The following DENND1A variants were observed in gnomAD, a reference collection of about 807,000 sequenced individuals.
DENND1A encodes the protein DENN domain-containing protein 1A.
DENND1A carries 51 observed loss-of-function variants against 113.7 expected under a neutral mutation model. The ratio of observed to expected loss-of-function variants is 0.45; its 90% confidence interval spans 0.36 to 0.57. The LOEUF is 0.57. DENND1A is among the 20% of genes least tolerant of loss of function. The pLI is 0.00. For missense variants in DENND1A, 1,258 were observed against 1,395.9 expected, an observed-to-expected ratio of 0.90 and a Z score of 1.57; for synonymous variants, 565 against 570.8, an observed-to-expected ratio of 0.99 and a Z score of 0.14.
At chr9:123,475,549 G>T (rs1287061735) in intron 13 of DENND1A, among the ~76,000 whole-genome samples, 1 of 152,210 alleles carries the variant, frequency 6.6e-6, no homozygotes, top group African/African-American at 2.4e-5. Context: ...ACTGAAGCGC[G>T]GGCTGCTCTG....
chr9:123,826,026 C>T (rs1388454592), intron 2 of DENND1A, among the ~76,000 whole-genome samples: 1 of 152,178 alleles, frequency 6.6e-6, no homozygotes, highest in Non-Finnish European at 1.5e-5. Context: ...TCAAAGCTGA[C>T]CCTAGAGCAG....
chr9:123,452,320 C>T lies in DENND1A; in HGVS notation c.1255G>A (p.Val419Ile). The T allele has an allele frequency of 6.2e-7, 1 of 1,614,274 alleles. No individual in the cohort carries two copies. Among genetic ancestry groups the T allele is most frequent in the Non-Finnish European group, 8.5e-7 (1 of 1,180,050 alleles). ...RKGSGAILNT[V>I]KTKANPAMKT... ...ATGGCCGGATTTGCTTTGGTCTTTA[C>T]AGTATTCAGAATTGCTCCACTTCCT... is the stretch of plus-strand genomic sequence containing the variant. The change falls in exon 17 of 24, where the codon GTA becomes ATA. Residue 419 changes from valine (V) to isoleucine (I), a missense_variant. Physicochemically the swap from Val to Ile is conservative, Grantham distance 29 (BLOSUM62 3). Coordinates refer to ENST00000394215, the MANE Select transcript of DENND1A (RefSeq NM_001352964.2).
intron 3 of DENND1A, among the ~76,000 whole-genome samples, chr9:123,784,414 G>A (rs1415304430): frequency 1.3e-5 from 2 of 152,120 alleles, no homozygotes; most frequent in East Asian, 3.8e-4. Context: ...TGAATGCAGA[G>A]GGAAACAGAA....
intron 1 of DENND1A, among the ~76,000 whole-genome samples, chr9:123,886,720 T>C (rs1849153056): frequency 6.6e-6 from 1 of 152,202 alleles, no homozygotes; most frequent in Non-Finnish European, 1.5e-5. Flanking sequence ...TTTTCCAGGC[T>C]GAAAACATTG....
Position 123,386,373 on chromosome 9 carries a change from TTTTC to T in DENND1A, c.1760+1353_1760+1356del, listed in dbSNP as rs1420347240. On this transcript the variant is annotated intron_variant, in intron 22 of 23. Transcript: ENST00000394215. ...GACACCAGCTTAGGCCACTACTTTC[TTTTC>T]TTTCTTTTTTTTTTTTTTTTTAAAG... Among the ~76,000 whole-genome samples the T allele has an allele frequency of 9.3e-4, 92 of 98,402 alleles. No individual in the cohort carries two copies. The Middle Eastern group carries it at 0.014, about 15-fold the overall frequency. The allele number at this position is 98,402 out of a possible 152,430, so 64.6% of individuals were successfully genotyped here.
Position 123,669,145 on chromosome 9 carries a change from C to G in DENND1A, c.454-2066G>C, listed in dbSNP as rs371968183. Among the ~76,000 whole-genome samples, 11 of 152,184 alleles carry G rather than the reference C, an allele frequency of 7.2e-5. No homozygotes were observed. The East Asian group carries it at 1.9e-3, about 27-fold the overall frequency. On this transcript the variant is annotated intron_variant, in intron 7 of 23. Coordinates refer to ENST00000394215, the MANE Select transcript of DENND1A (RefSeq NM_001352964.2). ...CTGCTAGTTCATATTACTATTTTTA[C>G]CATCACTCATATCAGACACACAGAA...
intron 9 of DENND1A, among the ~76,000 whole-genome samples, chr9:123,631,672 C>T (rs922865045): frequency 1.6e-4 from 25 of 152,278 alleles, no homozygotes; most frequent in African/African-American, 6.0e-4. Context: ...TTATTTTTTC[C>T]ACATAGGTAA....
chr9:123,544,590 C>G (rs2056522734), intron 13 of DENND1A, among the ~76,000 whole-genome samples: 1 of 152,180 alleles, frequency 6.6e-6, no homozygotes, highest in Non-Finnish European at 1.5e-5. Context: ...GTCTCTGCCA[C>G]TTCTTAAAAA....
chr9:123,473,509 G>C (rs1021293359), intron 13 of DENND1A, among the ~76,000 whole-genome samples: 6 of 152,224 alleles, frequency 3.9e-5, no homozygotes, highest in Non-Finnish European at 8.8e-5. Flanking sequence ...TTCTGACAGA[G>C]AGCAGATGGG....
chr9:123,732,306 C>T (rs114714886), intron 5 of DENND1A, among the ~76,000 whole-genome samples: 66 of 152,178 alleles, frequency 4.3e-4, no homozygotes, highest in African/African-American at 1.4e-3. Context: ...CCTTCAATAG[C>T]GAATAAACAA....
intron 1 of DENND1A, among the ~76,000 whole-genome samples, chr9:123,924,600 A>C (rs1288423577): frequency 6.6e-6 from 1 of 151,494 alleles, no homozygotes; most frequent in Non-Finnish European, 1.5e-5. Flanking sequence ...GCAGTGAGCC[A>C]AGATCACACC....
intron 1 of DENND1A, among the ~76,000 whole-genome samples, chr9:123,888,126 T>C (rs1049711875): frequency 1.3e-5 from 2 of 152,062 alleles, no homozygotes; most frequent in African/African-American, 4.8e-5. Flanking sequence ...CTAGGAGAAA[T>C]AGCTGATTCT....
intron 13 of DENND1A, among the ~76,000 whole-genome samples, chr9:123,544,958 C>G (rs1247824813): frequency 1.3e-5 from 2 of 152,028 alleles, no homozygotes; most frequent in African/African-American, 4.8e-5. Flanking sequence ...ATTAGCCGGT[C>G]GTGGTGGCGG....
intron 11 of DENND1A, among the ~76,000 whole-genome samples, chr9:123,584,148 C>A (rs1021884930): frequency 6.6e-6 from 1 of 152,192 alleles, no homozygotes; most frequent in Non-Finnish European, 1.5e-5. Flanking sequence ...ACGTATCAAG[C>A]GTATTCCTTT....
At chr9:123,916,075 T>C (rs1855055270) in intron 1 of DENND1A, among the ~76,000 whole-genome samples, 1 of 152,066 alleles carries the variant, frequency 6.6e-6, no homozygotes, top group Non-Finnish European at 1.5e-5. Flanking sequence ...AAAAGGTGCA[T>C]ACACAAGACT....
At chr9:123,589,647 GAAAAAAAA>G (rs58211177) in intron 11 of DENND1A, among the ~76,000 whole-genome samples, 2 of 35,432 alleles carry the variant, frequency 5.6e-5, no homozygotes, top group Non-Finnish European at 1.3e-4. Context: ...TTCTCAGAAT[GAAAAAAAA>G]AAAAAAAAAA....
intron 2 of DENND1A, among the ~76,000 whole-genome samples, chr9:123,826,230 C>G (rs1839307400): frequency 6.6e-6 from 1 of 151,964 alleles, no homozygotes; most frequent in African/African-American, 2.4e-5. Flanking sequence ...AGTGAGACCC[C>G]TATCTCTACA....
rs58452320 is a variant in DENND1A, at chr9:123,552,039, C to CAGAGAGAGAGAGAGAGAGAG, written c.993+5511_993+5530dup. ...AGAGCGAGAGAGAGAGAGAGAGAGA[C>CAGAGAGAGAGAGAGAGAGAG]AGAGAGAGAGAGAGAGAGAGAGAGA... On this transcript the variant is annotated intron_variant, in intron 13 of 23. Coordinates refer to ENST00000394215, the MANE Select transcript of DENND1A (RefSeq NM_001352964.2). 1.7e-3 allele frequency among the ~76,000 whole-genome samples: 222 copies of CAGAGAGAGAGAGAGAGAGAG among 128,404 alleles called. 3 individuals carry two copies. The highest frequency in any genetic ancestry group is 2.1e-3 in the African/African-American group (69 of 32,522). The allele number at this position is 128,404 out of a possible 152,430, so 84.2% of individuals were successfully genotyped here. A position where few individuals can be genotyped will look rare whatever the true frequency, so the allele number is the denominator to read the frequency against.
chr9:123,411,827 C>T lies in DENND1A; in HGVS notation c.1491G>A (p.Leu497=). 1.0e-6 allele frequency: 1 copy of T among 985,912 alleles called. No homozygotes were observed. The highest frequency in any genetic ancestry group is 1.2e-6 in the Non-Finnish European group (1 of 830,010). The allele number at this position is 985,912 out of a possible 1,614,324, so 61.1% of individuals were successfully genotyped here. A position where few individuals can be genotyped will look rare whatever the true frequency, so the allele number is the denominator to read the frequency against. Residue 497 remains leucine (L), a splice_region_variant and synonymous_variant, in exon 20 of 24, where the codon CTG becomes CTA. Coordinates refer to ENST00000394215, the MANE Select transcript of DENND1A (RefSeq NM_001352964.2). The part of the protein sequence containing the change: ...RRPITVHFGQ[L]QRLRPTRPPP... ...GCGGTCGGGTGGGACGCAGTCTCTG[C>T]AGCTGCATTAAAGTGGAAACTTACA...
Sources: allele counts gnomAD v4.1 joint callset (sites outside exome capture counted in the v4.1 genomes callset), GRCh38; gene constraint gnomAD v4.1.1; transcripts MANE v1.5; gene names NCBI Gene and HGNC (gene_info 2026-07-23, HGNC 2026-07-21).